AGBL1: variants seen among roughly 807,000 people sequenced by gnomAD.
AGBL1 encodes cytosolic carboxypeptidase 4.
AGBL1 carries 130 observed loss-of-function variants against 118.9 expected under a neutral mutation model. That is an observed-to-expected ratio of 1.09 (90% CI 0.95 to 1.26). AGBL1 has a LOEUF of 1.26. Among genes scored for constraint, AGBL1 ranks in the 50% most tolerant of loss-of-function variants. The probability of loss-of-function intolerance (pLI) is 0.00; values close to 1 mark genes in which losing one functional copy is unlikely to be tolerated. For missense variants in AGBL1, 1,584 were observed against 1,298.1 expected (o/e 1.22, Z -3.38); for synonymous variants, 555 against 478.9 (o/e 1.16, Z -2.08).
At chr15:86,765,100 C>A (rs1429098913) in intron 22 of AGBL1, among the ~76,000 whole-genome samples, 2 of 151,934 alleles carry the variant, frequency 1.3e-5, no homozygotes, top group African/African-American at 4.8e-5. Context: ...GCTTCTACAC[C>A]ATGTCACATT....
chr15:86,923,038 A>T (rs1156276328), intron 23 of AGBL1, among the ~76,000 whole-genome samples: 3 of 152,214 alleles, frequency 2.0e-5, no homozygotes, highest in African/African-American at 7.2e-5. Context: ...CACTGCAGCA[A>T]GAAGGAGTCC....
At chr15:86,996,531 G>T (rs1372127269) in intron 24 of AGBL1, among the ~76,000 whole-genome samples, 2 of 152,168 alleles carry the variant, frequency 1.3e-5, no homozygotes, top group East Asian at 3.9e-4. Flanking sequence ...GAGCCTGAGA[G>T]GTCAAAGCTG....
chr15:86,796,472 A>G (rs892711493), intron 22 of AGBL1, among the ~76,000 whole-genome samples: 1 of 152,224 alleles, frequency 6.6e-6, no homozygotes, highest in Non-Finnish European at 1.5e-5. Context: ...TGGATGCCAC[A>G]GTCCGAAATA....
At chr15:86,203,008 C>A (rs1003461882) in intron 5 of AGBL1, among the ~76,000 whole-genome samples, 3 of 152,020 alleles carry the variant, frequency 2.0e-5, no homozygotes, top group African/African-American at 7.3e-5. Context: ...TGCATGAGCC[C>A]AGGAGTTCAA....
intron 5 of AGBL1, among the ~76,000 whole-genome samples, chr15:86,215,315 T>C (rs1164840423): frequency 6.6e-6 from 1 of 151,818 alleles, no homozygotes; most frequent in Non-Finnish European, 1.5e-5. Flanking sequence ...AGGCCGGCGC[T>C]GTAGCAGATG....
upstream of AGBL1, chr15:86,079,867 G>C: frequency 1.3e-6 from 1 of 790,402 alleles, no homozygotes; most frequent in Non-Finnish European, 1.7e-6. Flanking sequence ...TGAGGCCTCC[G>C]GGCAGTCGTC....
In AGBL1 at chr15:86,094,053, C is replaced by T. The variant is rs547757259; in HGVS notation, c.51+14030C>T. On this transcript the variant is annotated intron_variant, in intron 1 of 22. Coordinates refer to ENST00000614907, the MANE Select transcript of AGBL1 (RefSeq NM_001386094.1). The stretch of plus-strand genomic sequence containing the variant: ...AAAAGTTCTTTCAAAATGTTATACT[C>T]TTTAAAATAATATCAGACAATGTGA... Among the ~76,000 whole-genome samples, 3 of 152,018 alleles carry T rather than the reference C, an allele frequency of 2.0e-5. No individual in the cohort carries two copies. In the South Asian group the frequency reaches 6.2e-4, roughly 32 times the overall value.
intron 22 of AGBL1, among the ~76,000 whole-genome samples, chr15:86,749,871 TGGTG>T (rs2077819410): frequency 6.6e-6 from 1 of 152,174 alleles, no homozygotes. Context: ...CACTTGATCA[TGGTG>T]GATAAGCTTT....
chr15:86,687,815 G>A (rs561509758), intron 22 of AGBL1, among the ~76,000 whole-genome samples: 2 of 152,010 alleles, frequency 1.3e-5, no homozygotes, highest in Non-Finnish European at 2.9e-5. Context: ...ATAGCCCCTC[G>A]ATGAGTGTCC....
chr15:86,881,665 C>T lies in AGBL1; in HGVS notation c.3159-25422C>T, dbSNP rs564152186. Among the ~76,000 whole-genome samples the T allele has an allele frequency of 1.8e-4, 27 of 152,196 alleles. No homozygotes were observed. The South Asian group carries it at 5.6e-3, about 32-fold the overall frequency. On this transcript the variant is annotated intron_variant, in intron 22 of 22. Coordinates refer to ENST00000614907, the MANE Select transcript of AGBL1 (RefSeq NM_001386094.1). ...TATTTATTTATTTAAGATAGGGTCT[C>T]ACTGTGTCACGCAGGCTGGAGTGCA...
intron 18 of AGBL1, among the ~76,000 whole-genome samples, chr15:86,469,853 T>A (rs2082456602): frequency 6.6e-6 from 1 of 152,178 alleles, no homozygotes; most frequent in South Asian, 2.1e-4. Context: ...TTTTTATCTA[T>A]CTGTTGGCCA....
intron 5 of AGBL1, among the ~76,000 whole-genome samples, chr15:86,160,927 G>A (rs902382455): frequency 2.6e-5 from 4 of 152,124 alleles, no homozygotes; most frequent in Admixed American, 6.5e-5. Flanking sequence ...TCCTCATTCA[G>A]GCCAAACTTG....
intron 22 of AGBL1, among the ~76,000 whole-genome samples, chr15:86,826,867 C>T (rs1324341341): frequency 1.3e-5 from 2 of 151,932 alleles, no homozygotes; most frequent in Non-Finnish European, 2.9e-5. Context: ...GACTGGGTGG[C>T]AGCACTTAAC....
intron 21 of AGBL1, among the ~76,000 whole-genome samples, chr15:86,586,044 T>C (rs781763620): frequency 7.9e-5 from 12 of 152,204 alleles, no homozygotes; most frequent in Non-Finnish European, 1.6e-4. Flanking sequence ...TCGGCATGCC[T>C]CTGCACCGAA....
chr15:86,322,071 T>C (rs2080112352), intron 17 of AGBL1, among the ~76,000 whole-genome samples: 1 of 151,264 alleles, frequency 6.6e-6, no homozygotes, highest in African/African-American at 2.4e-5. Context: ...TGGCTTAGTG[T>C]ATAGCTAATT....
chr15:86,760,951 C>G (rs114146758), intron 22 of AGBL1, among the ~76,000 whole-genome samples: 3 of 152,014 alleles, frequency 2.0e-5, no homozygotes, highest in African/African-American at 7.2e-5. Flanking sequence ...TGGTAAGCAC[C>G]CTTAAAAGGG....
chr15:86,372,417 C>A (rs61491296), intron 17 of AGBL1, among the ~76,000 whole-genome samples: 1 of 150,896 alleles, frequency 6.6e-6, no homozygotes, highest in Non-Finnish European at 1.5e-5. Context: ...GTTTTCCCTT[C>A]TTTCCCTCCT....
At chr15:86,418,839 G>A (rs541891047) in intron 18 of AGBL1, among the ~76,000 whole-genome samples, 28 of 152,164 alleles carry the variant, frequency 1.8e-4, no homozygotes, top group Non-Finnish European at 3.1e-4. Flanking sequence ...ATTTAGTCTG[G>A]GGGTGTGAAA....
rs995102529 is a variant in AGBL1 at position 86,154,378 on chromosome 15, A to C, written c.263-52A>C. ...CCTTCCTCCACTGTACTCATTGTACAATCCAGAATCAATGTGAAGTGCAAC... is the reference window on the plus strand; with the variant it reads ...CCTTCCTCCACTGTACTCATTGTACCATCCAGAATCAATGTGAAGTGCAAC... On this transcript the variant is annotated intron_variant, in intron 3 of 22. Transcript: ENST00000614907. 8 of 1,585,320 alleles carry C rather than the reference A, an allele frequency of 5.0e-6. No individual in the cohort carries two copies. The African/African-American group carries it at 5.4e-5, about 11-fold the overall frequency.
Sources: allele counts gnomAD v4.1 joint callset (sites outside exome capture counted in the v4.1 genomes callset), GRCh38; gene constraint gnomAD v4.1.1; transcripts MANE v1.5; gene names NCBI Gene and HGNC (gene_info 2026-07-23, HGNC 2026-07-21).